The following FAM50B variants were observed in gnomAD, a reference collection of about 807,000 sequenced individuals.
FAM50B encodes the protein protein FAM50B.
FAM50B carries 9 observed loss-of-function variants against 25.4 expected under a neutral mutation model. That is an observed-to-expected ratio of 0.35 (90% CI 0.21 to 0.62). The LOEUF (loss-of-function observed/expected upper bound fraction) is 0.62. Among genes scored for constraint, FAM50B ranks in the 20% least tolerant of loss-of-function variants. The pLI is 0.73. For missense variants in FAM50B, 372 were observed against 477.9 expected (o/e 0.78, Z 2.07); for synonymous variants, 212 against 204.3 (o/e 1.04, Z -0.32).
At chr6:3,836,380 G>T in the FAM50B span, among the ~76,000 whole-genome samples, 1 of 152,126 alleles carries the variant, frequency 6.6e-6, no homozygotes. Context: ...TGTGTATAGT[G>T]GTTGCATGGA....
upstream of FAM50B, among the ~76,000 whole-genome samples, chr6:3,847,436 A>G (rs768164834): frequency 4.6e-5 from 7 of 152,220 alleles, no homozygotes; most frequent in Non-Finnish European, 7.3e-5. Context: ...AGCCTCATGA[A>G]CCAACCTCTG....
At chr6:3,845,135 G>A (rs778820586), upstream of FAM50B, among the ~76,000 whole-genome samples, 9 of 152,094 alleles carry the variant, frequency 5.9e-5, no homozygotes, top group East Asian at 1.9e-4. Flanking sequence ...GGGTATTTTC[G>A]CTGAGAATTA....
At chr6:3,843,416 T>A in the FAM50B span, among the ~76,000 whole-genome samples, 92 of 152,374 alleles carry the variant, frequency 6.0e-4, no homozygotes, top group South Asian at 1.2e-3. Flanking sequence ...TGTTCCATTC[T>A]TTTAAACCGT....
chr6:3,850,828 A>C lies in FAM50B; in HGVS notation c.*39A>C, dbSNP rs746249027. 6.2e-7 allele frequency: 1 copy of C among 1,601,136 alleles called. No homozygotes were observed. Among genetic ancestry groups the C allele is most frequent in the East Asian group, 2.2e-5 (1 of 44,710 alleles). ...GAGCGGAAACCGGGGGTGGGGGGAG[A>C]CACTCATTTCTAGGCCCCATCACCA... On this transcript the variant is annotated 3_prime_UTR_variant, in exon 2 of 2. Coordinates refer to ENST00000648326, the MANE Select transcript of FAM50B (RefSeq NM_012135.3).
At chr6:3,844,630 G>A (rs1307847377), upstream of FAM50B, among the ~76,000 whole-genome samples, 1 of 152,094 alleles carries the variant, frequency 6.6e-6, no homozygotes, top group African/African-American at 2.4e-5. Context: ...AGAATCACTT[G>A]AACCCAGCCG....
rs376964416 is a variant in FAM50B, at chr6:3,850,399, C to T, written c.588C>T (p.Gly196=). The change falls in exon 2 of 2, where the codon GGC becomes GGT. Residue 196 remains glycine, a synonymous_variant. Coordinates refer to ENST00000648326, the MANE Select transcript of FAM50B (RefSeq NM_012135.3). ...EVTFSYWDGS[G]HRRTVRVRKG... ...CCTTCAGCTACTGGGACGGCTCGGG[C>T]CACCGGCGCACGGTGCGGGTGCGCA... is the stretch of plus-strand genomic sequence containing the variant. The T allele has an allele frequency of 3.1e-6, 5 of 1,613,340 alleles. No homozygotes were observed. The highest frequency in any genetic ancestry group is 2.2e-5 in the South Asian group (2 of 91,074).
rs1762211906 is a variant in FAM50B at position 3,850,849 on chromosome 6, C to G, written c.*60C>G. The G allele has an allele frequency of 6.4e-7, 1 of 1,567,380 alleles. No homozygotes were observed. Among genetic ancestry groups the G allele is most frequent in the African/African-American group, 1.4e-5 (1 of 73,014 alleles). ...GGAGACACTCATTTCTAGGCCCCAT[C>G]ACCAGTCACTTGATTTCGTGACCTT... is the stretch of plus-strand genomic sequence containing the variant. On this transcript the variant is annotated 3_prime_UTR_variant, in exon 2 of 2. Transcript: ENST00000648326.
the FAM50B span, among the ~76,000 whole-genome samples, chr6:3,833,063 T>C: frequency 9.2e-3 from 1,397 of 152,266 alleles, 25 homozygotes; most frequent in African/African-American, 0.032. Flanking sequence ...TTTCACCATG[T>C]TGGCAAGGCT....
upstream of FAM50B, among the ~76,000 whole-genome samples, chr6:3,846,802 T>C (rs1162025825): frequency 1.3e-4 from 20 of 152,232 alleles, no homozygotes; most frequent in Non-Finnish European, 2.4e-4. Context: ...TTTGGAAATG[T>C]ATTTCTTAAA....
At chr6:3,848,894 T>G (rs1287755584), upstream of FAM50B, among the ~76,000 whole-genome samples, 1 of 152,210 alleles carries the variant, frequency 6.6e-6, no homozygotes, top group Middle Eastern at 3.4e-3. Flanking sequence ...AATGGTTGTG[T>G]TGGGGCCATA....
chr6:3,849,199 G>A (rs1397573208), upstream of FAM50B, among the ~76,000 whole-genome samples: 3 of 152,290 alleles, frequency 2.0e-5, no homozygotes, highest in African/African-American at 4.8e-5. Context: ...GATCCTCCCC[G>A]CGCTGGCCCG....
upstream of FAM50B, among the ~76,000 whole-genome samples, chr6:3,845,201 T>C (rs1478938459): frequency 6.6e-6 from 1 of 152,172 alleles, no homozygotes; most frequent in African/African-American, 2.4e-5. Context: ...TACAGAACAG[T>C]ATATCAGACT....
At chr6:3,836,072 C>T in the FAM50B span, among the ~76,000 whole-genome samples, 1 of 151,436 alleles carries the variant, frequency 6.6e-6, no homozygotes. Context: ...TTTGTTCGTT[C>T]ATCTATTCAT....
upstream of FAM50B, among the ~76,000 whole-genome samples, chr6:3,848,750 C>T (rs1762153899): frequency 1.3e-5 from 2 of 152,208 alleles, no homozygotes; most frequent in Admixed American, 1.3e-4. Context: ...AAAGACACTG[C>T]TACACTTTAA....
the FAM50B span, among the ~76,000 whole-genome samples, chr6:3,838,647 T>C: frequency 6.6e-6 from 1 of 151,868 alleles, no homozygotes; most frequent in Non-Finnish European, 1.5e-5. Context: ...ATCAAGACCA[T>C]CCTGGTCAAT....
chr6:3,846,840 C>T (rs1381692558), upstream of FAM50B, among the ~76,000 whole-genome samples: 2 of 152,206 alleles, frequency 1.3e-5, no homozygotes, highest in Admixed American at 1.3e-4. Context: ...CAAAATTACT[C>T]CTTGATCTAT....
At position 3,851,102 on chromosome 6, in the gene FAM50B, C is replaced by T. The variant is rs894923366; in HGVS notation, c.*313C>T. 20 of 355,358 alleles carry T rather than the reference C, an allele frequency of 5.6e-5. No individual in the cohort carries two copies. The highest frequency in any genetic ancestry group is 1.5e-4 in the African/African-American group (7 of 47,310). The allele number at this position is 355,358 out of a possible 1,614,324, so 22.0% of individuals were successfully genotyped here. ...ACATTTTTTACCTGGTGGTTATGAG[C>T]ATGGACTTGGGGGCCACAGTGACTG... On this transcript the variant is annotated 3_prime_UTR_variant, in exon 2 of 2. Coordinates refer to ENST00000648326, the MANE Select transcript of FAM50B (RefSeq NM_012135.3).
Position 3,850,758 on chromosome 6 carries a change from A to T in FAM50B, c.947A>T (p.Glu316Val). ...PASRWEAYDP[E>V]KKWDKYTIR ...AGCCGCTGGGAGGCCTATGACCCCG[A>T]GAAGAAGTGGGACAAGTACACCATC... The change falls in exon 2 of 2, where the codon GAG becomes GTG. Residue 316 changes from glutamate to valine, a missense_variant. Glu to Val is a moderately radical substitution (Grantham distance 121). Transcript: ENST00000648326. The T allele has an allele frequency of 6.2e-7, 1 of 1,613,958 alleles. No individual in the cohort carries two copies. Among genetic ancestry groups the T allele is most frequent in the Non-Finnish European group, 8.5e-7 (1 of 1,180,012 alleles).
chr6:3,846,172 C>A (rs975686040), upstream of FAM50B, among the ~76,000 whole-genome samples: 2 of 152,026 alleles, frequency 1.3e-5, no homozygotes, highest in Non-Finnish European at 2.9e-5. Flanking sequence ...GTAATGTTAT[C>A]AGATTCATTT....
Sources: gnomAD v4.1 joint callset for allele counts (sites outside exome capture counted in the v4.1 genomes callset) on GRCh38, gnomAD v4.1.1 for gene constraint, MANE v1.5 for transcripts, NCBI Gene and HGNC (gene_info 2026-07-23, HGNC 2026-07-21) for gene names.